EEF2K: variants seen among roughly 807,000 people sequenced by gnomAD.
EEF2K encodes eukaryotic elongation factor 2 kinase.
A neutral mutation model predicts 93.8 loss-of-function variants in EEF2K; 70 were observed. The observed-to-expected ratio is 0.75, with a 90% CI of 0.62 to 0.91. The LOEUF (loss-of-function observed/expected upper bound fraction) is 0.91, where lower values mean the gene tolerates loss of function less well. EEF2K is among the 40% of genes least tolerant of loss of function. The probability of loss-of-function intolerance (pLI) is 0.00; values close to 1 mark genes in which losing one functional copy is unlikely to be tolerated. For synonymous variants in EEF2K, 376 were observed against 380.8 expected, an observed-to-expected ratio of 0.99 and a Z score of 0.15; for missense variants, 935 against 972.9, an observed-to-expected ratio of 0.96 and a Z score of 0.52.
intron 16 of EEF2K, among the ~76,000 whole-genome samples, chr16:22,276,390 G>A (rs2047635595): frequency 2.0e-5 from 3 of 152,154 alleles, no homozygotes; most frequent in Admixed American, 6.6e-5. Flanking sequence ...TCTATCAAAA[G>A]TATTTCTTTA....
At chr16:22,223,278 T>C (rs1212069722) in intron 1 of EEF2K, among the ~76,000 whole-genome samples, 2 of 150,596 alleles carry the variant, frequency 1.3e-5, no homozygotes, top group Non-Finnish European at 3.0e-5. Flanking sequence ...TTTTTTTTTT[T>C]TTGGTTTTGT....
chr16:22,252,038 TCCACCTCGGCCTC>T (rs1395430924), intron 6 of EEF2K, among the ~76,000 whole-genome samples: 1 of 151,222 alleles, frequency 6.6e-6, no homozygotes, highest in East Asian at 2.0e-4. Context: ...AAGCAATCCA[TCCACCTCGGCCTC>T]CCAAAGGGCT....
At chr16:22,268,810 A>G (rs2047549855) in intron 15 of EEF2K, among the ~76,000 whole-genome samples, 1 of 152,004 alleles carries the variant, frequency 6.6e-6, no homozygotes, top group Admixed American at 6.6e-5. Flanking sequence ...ATAACAAATT[A>G]GCCAGGTGTG....
At chr16:22,224,618 C>G in intron 1 of EEF2K, among the ~76,000 whole-genome samples, 1 of 147,010 alleles carries the variant, frequency 6.8e-6, no homozygotes, top group East Asian at 2.0e-4. Flanking sequence ...GCCTGGATGA[C>G]AGAGCAAGAT....
intron 2 of EEF2K, among the ~76,000 whole-genome samples, chr16:22,229,868 TTAAAAA>T (rs551694483): frequency 4.4e-4 from 67 of 152,332 alleles, no homozygotes; most frequent in African/African-American, 1.5e-3. Context: ...GGATTTGAAA[TTAAAAA>T]TAATCTTCCA....
chr16:22,244,212 G>A (rs1488214040), intron 2 of EEF2K, among the ~76,000 whole-genome samples: 4 of 151,810 alleles, frequency 2.6e-5, no homozygotes, highest in Non-Finnish European at 5.9e-5. Context: ...CTGGGTGACA[G>A]AGTGAGACTC....
intron 2 of EEF2K, among the ~76,000 whole-genome samples, chr16:22,234,266 C>T (rs2047144544): frequency 6.6e-6 from 1 of 152,160 alleles, no homozygotes; most frequent in Non-Finnish European, 1.5e-5. Context: ...ATACTTGTAA[C>T]CCACTGAGGG....
At chr16:22,225,391 C>T (rs995884343) in intron 1 of EEF2K, among the ~76,000 whole-genome samples, 13 of 152,212 alleles carry the variant, frequency 8.5e-5, no homozygotes, top group Non-Finnish European at 1.0e-4. Context: ...AAAGAGCACT[C>T]TGCTTAAGAA....
At chr16:22,266,601 C>G (rs115761446) in intron 14 of EEF2K, 77 bp downstream of exon 14, 7 of 1,593,578 alleles carry the variant, frequency 4.4e-6, no homozygotes, top group Admixed American at 1.7e-5. Context: ...CTCCGCTAAT[C>G]ACTTCCTCCC....
At chr16:22,218,402 G>A (rs2046979168) in intron 1 of EEF2K, among the ~76,000 whole-genome samples, 1 of 152,184 alleles carries the variant, frequency 6.6e-6, no homozygotes, top group Non-Finnish European at 1.5e-5. Flanking sequence ...AGTGGCGGTG[G>A]GAAGATTCCA....
chr16:22,219,377 T>A (rs2046990997), intron 1 of EEF2K, among the ~76,000 whole-genome samples: 1 of 152,182 alleles, frequency 6.6e-6, no homozygotes. Context: ...ACGCCTGTCA[T>A]CCCAACACTT....
At chr16:22,266,300 C>T in intron 13 of EEF2K, 90 bp from the exon 14 acceptor site, 1 of 1,507,038 alleles carries the variant, frequency 6.6e-7, no homozygotes, top group Non-Finnish European at 8.9e-7. Flanking sequence ...CTCCCTCCAG[C>T]CAGGCTCCTG....
chr16:22,245,838 G>A (rs2047283822), intron 3 of EEF2K, among the ~76,000 whole-genome samples: 1 of 152,122 alleles, frequency 6.6e-6, no homozygotes, highest in African/African-American at 2.4e-5. Context: ...GCTTCTGTGA[G>A]CTCAAAATGT....
chr16:22,240,540 T>A (rs973882912), intron 2 of EEF2K, among the ~76,000 whole-genome samples: 2 of 152,160 alleles, frequency 1.3e-5, no homozygotes, highest in Admixed American at 6.6e-5. Flanking sequence ...CAGCACTGTT[T>A]GTACTAGGAA....
chr16:22,215,914 G>T (rs969572205), intron 1 of EEF2K, among the ~76,000 whole-genome samples: 3 of 152,166 alleles, frequency 2.0e-5, no homozygotes, highest in Non-Finnish European at 2.9e-5. Flanking sequence ...AACAGAGGGA[G>T]ACTCCATCTC....
chr16:22,246,627 A>G (rs1274832160), intron 3 of EEF2K, among the ~76,000 whole-genome samples: 3 of 151,976 alleles, frequency 2.0e-5, no homozygotes, highest in South Asian at 2.1e-4. Flanking sequence ...CCATCACACA[A>G]CCTGGTACTG....
At chr16:22,267,670 G>A (rs932261744) in intron 15 of EEF2K, among the ~76,000 whole-genome samples, 2 of 152,126 alleles carry the variant, frequency 1.3e-5, no homozygotes, top group East Asian at 1.9e-4. Context: ...GCCAAGTGGG[G>A]GAGGTGAGCA....
At chr16:22,265,685 G>T (rs930811766) in intron 13 of EEF2K, among the ~76,000 whole-genome samples, 1 of 152,240 alleles carries the variant, frequency 6.6e-6, no homozygotes, top group Non-Finnish European at 1.5e-5. Context: ...GCTACCCTGT[G>T]CATTGCAAGA....
chr16:22,223,428 A>C (rs1185949684), intron 1 of EEF2K, among the ~76,000 whole-genome samples: 2 of 151,942 alleles, frequency 1.3e-5, no homozygotes, highest in African/African-American at 2.4e-5. Flanking sequence ...ATAGGCATGC[A>C]CCACCACGCC....
Sources: gnomAD v4.1 joint callset for allele counts (sites outside exome capture counted in the v4.1 genomes callset) on GRCh38, gnomAD v4.1.1 for gene constraint, MANE v1.5 for transcripts, NCBI Gene and HGNC (gene_info 2026-07-23, HGNC 2026-07-21) for gene names.